MED12L: variants seen among roughly 807,000 people sequenced by gnomAD.
MED12L encodes mediator complex subunit 12L.
Under a neutral mutation model 281.3 loss-of-function variants are expected in MED12L, and 60 were observed. The ratio of observed to expected loss-of-function variants is 0.21; its 90% confidence interval spans 0.17 to 0.26. The LOEUF (loss-of-function observed/expected upper bound fraction) is 0.26, where lower values mean the gene tolerates loss of function less well. MED12L is among the 10% of genes least tolerant of loss of function. The pLI is 1.00. For missense variants in MED12L, 2,146 were observed against 2,680.9 expected (o/e 0.80, Z 4.41); for synonymous variants, 974 against 987.2 (o/e 0.99, Z 0.25).
rs201982636 is a variant in MED12L at position 151,369,474 on chromosome 3, C to T, written c.3589C>T (p.His1197Tyr). Residue 1197 changes from histidine to tyrosine, a missense_variant, in exon 26 of 45, where the codon CAC becomes TAC. Transcript: ENST00000687756. Reference sequence around the variant, plus strand: ...TGGAATAAGATCATCTTGTGATAGACACCTCTTAGCCGCTGCTCACAACAG... The same window carrying T: ...TGGAATAAGATCATCTTGTGATAGATACCTCTTAGCCGCTGCTCACAACAG... Reference protein sequence around the residue: ...FPGIRSSCDRHLLAAAHNSIE... With the variant: ...FPGIRSSCDRYLLAAAHNSIE... The T allele has an allele frequency of 1.9e-6, 3 of 1,610,544 alleles. No homozygotes were observed. Among genetic ancestry groups the T allele is most frequent in the African/African-American group, 1.3e-5 (1 of 74,946 alleles).
intron 39 of MED12L, among the ~76,000 whole-genome samples, chr3:151,399,911 C>T (rs1052488446): frequency 2.6e-5 from 4 of 151,990 alleles, no homozygotes; most frequent in Non-Finnish European, 5.9e-5. Context: ...ATTGCAACCT[C>T]TGCTTCCCGG....
intron 43 of MED12L, among the ~76,000 whole-genome samples, chr3:151,423,014 A>AT (rs1718448593): frequency 1.9e-4 from 4 of 20,666 alleles, no homozygotes; most frequent in African/African-American, 4.4e-4. Flanking sequence ...GGAGATCATA[A>AT]AAATATATAT....
At chr3:151,293,576 TACACACACACACACACACACACACACAC>T (rs55846173) in intron 16 of MED12L, among the ~76,000 whole-genome samples, 3 of 76,200 alleles carry the variant, frequency 3.9e-5, no homozygotes, top group Non-Finnish European at 7.3e-5. Flanking sequence ...ATGAAGCCCT[TACACACACACACACACACACACACACAC>T]ACACACACAC....
At position 151,394,761 on chromosome 3, in the gene MED12L, C is replaced by T. The variant is rs1266639444; in HGVS notation, c.5714C>T (p.Ser1905Phe). Reference sequence around the variant, plus strand: ...TCAGGCGCCATGATGCAGCCGCCTTCTCTTCATGCAATCACATCGCAGCAG... The same window carrying T: ...TCAGGCGCCATGATGCAGCCGCCTTTTCTTCATGCAATCACATCGCAGCAG... ...RRSGAMMQPP[S>F]LHAITSQQQL... Residue 1905 changes from serine to phenylalanine, a missense_variant, in exon 39 of 45, where the codon TCT (serine) becomes TTT (phenylalanine). Around this residue, in one of 9 missense-constraint regions of MED12L, gnomAD observed 496 missense variants for 512.0 expected, o/e 0.97. Transcript: ENST00000687756. The T allele has an allele frequency of 1.2e-6, 2 of 1,614,270 alleles. No individual in the cohort carries two copies. Among genetic ancestry groups the T allele is most frequent in the African/African-American group, 2.7e-5 (2 of 75,078 alleles).
chr3:151,234,204 G>A (rs1732276228), intron 16 of MED12L, among the ~76,000 whole-genome samples: 1 of 152,198 alleles, frequency 6.6e-6, no homozygotes, highest in African/African-American at 2.4e-5. Context: ...AGGAGAATGG[G>A]TAAAAAACCC....
chr3:151,156,340 T>C lies in MED12L; in HGVS notation c.726+10T>C, dbSNP rs1468780382. The C allele has an allele frequency of 1.3e-6, 2 of 1,598,656 alleles. No homozygotes were observed. The highest frequency in any genetic ancestry group is 8.5e-7 in the Non-Finnish European group (1 of 1,173,168). On this transcript the variant is annotated intron_variant, in intron 6 of 44. Transcript: ENST00000687756. ...ATTTCACATGTTCCAGGTAACCTTT[T>C]GAAGACATGCAGAGTTGTGTGCAAT...
intron 4 of MED12L, among the ~76,000 whole-genome samples, chr3:151,123,391 C>T (rs2148779080): frequency 6.6e-6 from 1 of 152,274 alleles, no homozygotes; most frequent in African/African-American, 2.4e-5. Flanking sequence ...TCCTTCCTAC[C>T]AAGCAAGATA....
At chr3:151,188,521 G>A (rs78564728) in intron 13 of MED12L, 41 bp downstream of exon 13, 4 of 1,522,956 alleles carry the variant, frequency 2.6e-6, no homozygotes, top group Non-Finnish European at 2.7e-6. Context: ...CTTAAATAAG[G>A]GATTGATTTT....
At position 151,388,037 on chromosome 3, in the gene MED12L, A is replaced by G. The variant is rs775881290; in HGVS notation, c.5316A>G (p.Glu1772=). Residue 1772 remains glutamate, a synonymous_variant, in exon 37 of 45, where the codon GAA becomes GAG. Coordinates refer to ENST00000687756, the MANE Select transcript of MED12L (RefSeq NM_001393769.1). The stretch of plus-strand genomic sequence containing the variant: ...CCCTGCCTCCTGAGGAGGAAGAGGA[A>G]GAGCCCACATCTCCAGTTTCTCAGG... ...PLPLPPEEEE[E]EPTSPVSQEP... is the part of the protein sequence containing the mutation. The G allele has an allele frequency of 6.2e-7, 1 of 1,614,082 alleles. No individual in the cohort carries two copies. Among genetic ancestry groups the G allele is most frequent in the South Asian group, 1.1e-5 (1 of 91,080 alleles).
chr3:151,125,084 A>C (rs145003073), intron 4 of MED12L, among the ~76,000 whole-genome samples: 592 of 152,338 alleles, frequency 3.9e-3, no homozygotes, highest in African/African-American at 8.6e-3. Context: ...GAACCAGACA[A>C]CTGCCCTGTG....
At chr3:151,089,119 T>A (rs1342468774) in intron 2 of MED12L, among the ~76,000 whole-genome samples, 1 of 152,222 alleles carries the variant, frequency 6.6e-6, no homozygotes, top group Non-Finnish European at 1.5e-5. Flanking sequence ...TTAAACTAAT[T>A]TTTTAAGAAA....
At chr3:151,359,617 T>G (rs1754359760) in intron 20 of MED12L, among the ~76,000 whole-genome samples, 1 of 152,158 alleles carries the variant, frequency 6.6e-6, no homozygotes, top group Non-Finnish European at 1.5e-5. Flanking sequence ...CTCTTTGCCT[T>G]TGAGCAAGTC....
At position 151,190,913 on chromosome 3, in the gene MED12L, C is replaced by G. The variant is rs1723888094; in HGVS notation, c.1950C>G (p.Asp650Glu). The G allele has an allele frequency of 6.2e-7, 1 of 1,614,112 alleles. No individual in the cohort carries two copies. The highest frequency in any genetic ancestry group is 8.5e-7 in the Non-Finnish European group (1 of 1,180,008). ...GENADEHYSK[D>E]HDVKMEEQSI... ...ATGCAGATGAACACTATTCAAAGGA[C>G]CATGATGTGAAAATGGAGGTATGGC... Residue 650 changes from aspartate (D) to glutamate (E), a missense_variant, in exon 14 of 45, where the codon GAC (aspartate) becomes GAG (glutamate). Asp to Glu is a conservative substitution (Grantham distance 45, BLOSUM62 2). Transcript: ENST00000687756.
At chr3:151,104,483 G>A (rs1213908879) in intron 2 of MED12L, among the ~76,000 whole-genome samples, 1 of 152,170 alleles carries the variant, frequency 6.6e-6, no homozygotes, top group African/African-American at 2.4e-5. Flanking sequence ...CGGCCGAGAT[G>A]TCTGCTTATC....
At chr3:151,403,851 A>G (rs62285915) in intron 39 of MED12L, among the ~76,000 whole-genome samples, 11,958 of 152,276 alleles carry the variant, frequency 0.079, 655 homozygotes, top group Middle Eastern at 0.18. Flanking sequence ...TTGTTGTATA[A>G]GCATTTTCTC....
chr3:151,294,479 A>G, intron 16 of MED12L: 1 of 1,614,118 alleles, frequency 6.2e-7, no homozygotes, highest in Non-Finnish European at 8.5e-7. Flanking sequence ...AGCCACAACA[A>G]CCCTGATGCT....
In MED12L at chr3:151,433,224, A is replaced by G. The variant is rs1204200747; in HGVS notation, c.*420A>G. On this transcript the variant is annotated 3_prime_UTR_variant, in exon 45 of 45. Coordinates refer to ENST00000687756, the MANE Select transcript of MED12L (RefSeq NM_001393769.1). ...TTTCCAAACTGTGCTGGACCAAACT[A>G]CTGATTTGAAAGGCATGTCAGATCT... The G allele has an allele frequency of 6.5e-6, 1 of 154,706 alleles. No homozygotes were observed. Among genetic ancestry groups the G allele is most frequent in the East Asian group, 1.9e-4 (1 of 5,230 alleles). 9.6% of individuals were successfully genotyped at this position (154,706 alleles called of 1,614,324 possible). A position where few individuals can be genotyped will look rare whatever the true frequency, so the allele number is the denominator to read the frequency against.
intron 8 of MED12L, among the ~76,000 whole-genome samples, chr3:151,161,526 A>G (rs1457384639): frequency 6.6e-6 from 1 of 152,156 alleles, no homozygotes; most frequent in Admixed American, 6.5e-5. Flanking sequence ...GAGAGAGAAC[A>G]GGGGGAGAGT....
intron 16 of MED12L, among the ~76,000 whole-genome samples, chr3:151,297,873 C>T (rs1745319150): frequency 6.6e-6 from 1 of 151,684 alleles, no homozygotes; most frequent in Non-Finnish European, 1.5e-5. Flanking sequence ...TACATATATA[C>T]ATATATATAT....
Sources: allele counts gnomAD v4.1 joint callset (sites outside exome capture counted in the v4.1 genomes callset), GRCh38; gene constraint gnomAD v4.1.1; regional missense constraint gnomAD v4.1.1; transcripts MANE v1.5; gene names NCBI Gene and HGNC (gene_info 2026-07-23, HGNC 2026-07-21).